Variants in ARHGAP32 observed in about 807,000 individuals in gnomAD.
ARHGAP32 encodes the protein Rho GTPase activating protein 32, also known as rho GTPase-activating protein 32.
A neutral mutation model predicts 186.5 loss-of-function variants in ARHGAP32; 51 were observed. The ratio of observed to expected loss-of-function variants is 0.27; its 90% CI spans 0.22 to 0.35. The LOEUF (loss-of-function observed/expected upper bound fraction) is 0.35. Ranked by LOEUF, ARHGAP32 falls within the 10% of genes least tolerant of loss-of-function variation. The pLI, the probability that ARHGAP32 is intolerant of heterozygous loss-of-function variation, is 1.00. For synonymous variants in ARHGAP32, 950 were observed against 964.3 expected, an observed-to-expected ratio of 0.99 and a Z score of 0.27; for missense variants, 2,186 against 2,623.5, an observed-to-expected ratio of 0.83 and a Z score of 3.64.
rs1349284969 is a variant in ARHGAP32, at chr11:128,966,746, T to C, written c.*2161A>G. 1 of 152,230 alleles carries C rather than the reference T, an allele frequency of 6.6e-6. No individual in the cohort carries two copies. The highest frequency in any genetic ancestry group is 2.4e-5 in the African/African-American group (1 of 41,444). 9.4% of individuals were successfully genotyped at this position (152,230 alleles called of 1,614,324 possible). A position where few individuals can be genotyped will look rare whatever the true frequency, so the allele number is the denominator to read the frequency against. ...TTAGGCTCTCAGTTACTTAAAGCCG[T>C]GTGTATCTCCTGGTCACAGCAGCCC... On this transcript the variant is annotated 3_prime_UTR_variant, in exon 23 of 23. Coordinates refer to ENST00000682385, the MANE Select transcript of ARHGAP32 (RefSeq NM_001378024.1).
chr11:129,164,863 T>C (rs960247689), intron 1 of ARHGAP32, among the ~76,000 whole-genome samples: 3 of 152,150 alleles, frequency 2.0e-5, no homozygotes, highest in African/African-American at 7.2e-5. Flanking sequence ...CAAATAAGCA[T>C]TTTCAATGAG....
At chr11:129,265,909 A>G (rs1945393355) in intron 1 of ARHGAP32, among the ~76,000 whole-genome samples, 1 of 152,224 alleles carries the variant, frequency 6.6e-6, no homozygotes, top group Admixed American at 6.5e-5. Context: ...AGAGCTATAA[A>G]AAATGAGTAA....
In ARHGAP32 at chr11:129,206,582, A is replaced by G. The variant is rs1292525671; in HGVS notation, c.-4-42155T>C. 2.0e-5 allele frequency among the ~76,000 whole-genome samples: 3 copies of G among 152,184 alleles called. No homozygotes were observed. In the East Asian group the frequency reaches 5.8e-4, roughly 29 times the overall value. On this transcript the variant is annotated intron_variant, in intron 1 of 6. Coordinates refer to the ARHGAP32 transcript ENST00000525234. ...AAGTCCACACATGATATTTTGGTAA[A>G]TAAGTCTCTTAAGTCTCTTTAAAGT...
At position 128,980,732 on chromosome 11, in the gene ARHGAP32, G is replaced by A; in HGVS notation, c.1797C>T (p.Pro599=). ...ATGGAGAGGATACCAGGAGGGACTT[G>A]GGCCTTGATAGAGAAGCTTCAAAAA... ...MQEGAASLSR[P]KSLLVSSPST... is the part of the protein sequence containing the mutation. Residue 599 remains proline, a synonymous_variant, in exon 18 of 23, where the codon CCC becomes CCT. Transcript: ENST00000682385. 1 of 1,607,264 alleles carries A rather than the reference G, an allele frequency of 6.2e-7. No individual in the cohort carries two copies. The highest frequency in any genetic ancestry group is 8.5e-7 in the Non-Finnish European group (1 of 1,177,826).
intron 5 of ARHGAP32, among the ~76,000 whole-genome samples, chr11:129,120,680 T>A (rs1306170613): frequency 6.6e-6 from 1 of 152,112 alleles, no homozygotes; most frequent in African/African-American, 2.4e-5. Flanking sequence ...AACATCTCTG[T>A]CATACTAGGA....
In ARHGAP32 at chr11:128,986,038, G is replaced by A. The variant is rs754599112; in HGVS notation, c.1491C>T (p.His497=). 106 of 1,607,498 alleles carry A rather than the reference G, an allele frequency of 6.6e-5. No homozygotes were observed. Among genetic ancestry groups the A allele is most frequent in the African/African-American group, 3.2e-4 (24 of 74,314 alleles). ...GTGGGGGGAGCTGCTGGATGACATC[G>A]TGGATTTTTATCAGCCTTTCTTCAT... ...ATDEERLIKI[H]DVIQQLPPPH... is the part of the protein sequence containing the mutation. The change falls in exon 15 of 23, where the codon CAC becomes CAT. Residue 497 remains histidine, a synonymous_variant. Transcript: ENST00000682385.
intron 6 of ARHGAP32, among the ~76,000 whole-genome samples, chr11:129,083,826 T>C (rs1305981858): frequency 6.6e-6 from 1 of 151,990 alleles, no homozygotes; most frequent in Non-Finnish European, 1.5e-5. Flanking sequence ...ATACTAAAAA[T>C]TAGAGCAGAA....
chr11:129,088,631 G>C (rs182589414), intron 6 of ARHGAP32, among the ~76,000 whole-genome samples: 68 of 152,200 alleles, frequency 4.5e-4, no homozygotes, highest in African/African-American at 1.5e-3. Flanking sequence ...TTTCCAAACA[G>C]ACTGAATAAA....
rs149052859 is a variant in ARHGAP32 at position 128,970,485 on chromosome 11, G to A, written c.4728C>T (p.Ser1576=). The A allele has an allele frequency of 1.1e-4, 177 of 1,614,050 alleles. No homozygotes were observed. Among genetic ancestry groups the A allele is most frequent in the Non-Finnish European group, 1.4e-4 (167 of 1,180,034 alleles). The change falls in exon 23 of 23, where the codon AGC becomes AGT. Residue 1576 remains serine (S), a synonymous_variant. Coordinates refer to ENST00000682385, the MANE Select transcript of ARHGAP32 (RefSeq NM_001378024.1). The surrounding 1 kb of genome is among the most constrained non-coding windows in gnomAD (Gnocchi z 5.8). ...GGTAACAGGTATTCCTGACAGAGGA[G>A]CTCAAAGAAGACACATACTCGACCC... ...CSRVEYVSSL[S]SSVRNTCYPE...
intron 5 of ARHGAP32, among the ~76,000 whole-genome samples, chr11:129,109,975 T>C (rs906843374): frequency 3.3e-5 from 5 of 152,156 alleles, no homozygotes; most frequent in African/African-American, 1.2e-4. Flanking sequence ...TCTATTTTTG[T>C]TTCTGTTGCC....
chr11:129,232,699 G>A (rs1050937954), intron 1 of ARHGAP32, among the ~76,000 whole-genome samples: 20 of 152,256 alleles, frequency 1.3e-4, no homozygotes, highest in Middle Eastern at 3.4e-3. Context: ...GCGGGTTGTT[G>A]GCTAAATTCA....
At chr11:129,193,689 T>TACA, upstream of ARHGAP32, among the ~76,000 whole-genome samples, 1 of 24,420 alleles carries the variant, frequency 4.1e-5, no homozygotes, top group African/African-American at 1.6e-4. Flanking sequence ...ATAATATATA[T>TACA]TATATAATAT....
chr11:129,069,978 G>T (rs1940819904), intron 6 of ARHGAP32, among the ~76,000 whole-genome samples: 1 of 151,912 alleles, frequency 6.6e-6, no homozygotes, highest in African/African-American at 2.4e-5. Flanking sequence ...GTATTATAAG[G>T]TAATCTTTGC....
chr11:129,192,162 C>A lies in ARHGAP32; in HGVS notation c.37G>T (p.Asp13Tyr). ...TCAGACTCCAACCAGAAGACACTGT[C>A]ATCCCCTAAAGTGCTACTCTCACTT... ...TESESSTLGDDSVFWLESEVI... is the reference protein window; with the variant it reads ...TESESSTLGDYSVFWLESEVI... Residue 13 changes from aspartate to tyrosine, a missense_variant, in exon 1 of 23, where the codon GAC becomes TAC. By Grantham distance (160) the Asp-to-Tyr change is radical. Transcript: ENST00000682385. The A allele has an allele frequency of 6.2e-7, 1 of 1,613,876 alleles. No homozygotes were observed. The highest frequency in any genetic ancestry group is 8.5e-7 in the Non-Finnish European group (1 of 1,179,820).
rs568312482 is a variant in ARHGAP32, at chr11:129,140,081, GT to G, written c.226-15188del. ...ATCACATGAGCACTTCAAAAGTAGA[GT>G]TTTCTCCAGCTGGTAGCAGAAGGGA... On this transcript the variant is annotated intron_variant, in intron 2 of 22. Coordinates refer to ENST00000682385, the MANE Select transcript of ARHGAP32 (RefSeq NM_001378024.1). Among the ~76,000 whole-genome samples, 18 of 152,290 alleles carry G rather than the reference GT, an allele frequency of 1.2e-4. No individual in the cohort carries two copies. The South Asian group carries it at 3.5e-3, about 30-fold the overall frequency.
chr11:129,136,569 A>C (rs1384649106), intron 2 of ARHGAP32, among the ~76,000 whole-genome samples: 1 of 152,168 alleles, frequency 6.6e-6, no homozygotes, highest in Non-Finnish European at 1.5e-5. Flanking sequence ...ATTATAGGCT[A>C]ATCTCATTAA....
At chr11:129,136,626 T>C (rs993942557) in intron 2 of ARHGAP32, among the ~76,000 whole-genome samples, 1 of 152,144 alleles carries the variant, frequency 6.6e-6, no homozygotes, top group Non-Finnish European at 1.5e-5. Context: ...AAATCAAATC[T>C]ATCATTGTGT....
chr11:129,138,717 T>C (rs1260492418), intron 2 of ARHGAP32, among the ~76,000 whole-genome samples: 2 of 152,190 alleles, frequency 1.3e-5, no homozygotes, highest in Non-Finnish European at 2.9e-5. Context: ...CCATATTATT[T>C]ATGTGTCTAA....
chr11:129,123,537 C>T lies in ARHGAP32; in HGVS notation c.360-7G>A, dbSNP rs1942584448. 1 of 1,607,244 alleles carries T rather than the reference C, an allele frequency of 6.2e-7. No individual in the cohort carries two copies. Among genetic ancestry groups the T allele is most frequent in the South Asian group, 1.1e-5 (1 of 90,692 alleles). ...ACCTTTAGTGAAGGGTAACCTGAAACACATGAAATAAATAAGAAACGAGAT... is the reference window on the plus strand; with the variant it reads ...ACCTTTAGTGAAGGGTAACCTGAAATACATGAAATAAATAAGAAACGAGAT... On this transcript the variant is annotated splice_region_variant and splice_polypyrimidine_tract_variant and intron_variant, in intron 4 of 22. Coordinates refer to ENST00000682385, the MANE Select transcript of ARHGAP32 (RefSeq NM_001378024.1). The surrounding 1 kb of genome is among the most constrained non-coding windows in gnomAD (Gnocchi z 4.6).
Sources: allele counts gnomAD v4.1 joint callset (sites outside exome capture counted in the v4.1 genomes callset), GRCh38; gene constraint gnomAD v4.1.1; non-coding constraint Gnocchi (gnomAD v3.1); transcripts MANE v1.5; gene names NCBI Gene and HGNC (gene_info 2026-07-23, HGNC 2026-07-21).